The following GPM6A variants were observed in gnomAD, a reference collection of about 807,000 sequenced individuals.
GPM6A encodes the protein neuronal membrane glycoprotein M6-a.
A neutral mutation model predicts 32.1 loss-of-function variants in GPM6A; 7 were observed. The observed-to-expected ratio is 0.22, with a 90% CI of 0.12 to 0.41. GPM6A has a LOEUF of 0.41. GPM6A is among the 10% of genes least tolerant of loss of function. The pLI is 1.00. For missense variants in GPM6A, 235 were observed against 347.2 expected (o/e 0.68, Z 2.57); for synonymous variants, 130 against 123.4 (o/e 1.05, Z -0.35).
Position 175,635,054 on chromosome 4 carries a change from G to C in GPM6A, c.688C>G (p.His230Asp), listed in dbSNP as rs1281925813. Residue 230 changes from histidine to aspartate, a missense_variant, in exon 7 of 7, where the codon CAC (histidine) becomes GAC (aspartate). Physicochemically the swap from His to Asp is moderately conservative, Grantham distance 81 (BLOSUM62 -1). Coordinates refer to ENST00000393658, the MANE Select transcript of GPM6A (RefSeq NM_201591.3). ...GAGAAVIAMV[H>D]YLMVLSANWA... ...TTGGCAGACAGAACCATAAGGTAGTGAACCTAATCAAAGAGAAAAATAATT... is the reference window on the plus strand; with the variant it reads ...TTGGCAGACAGAACCATAAGGTAGTCAACCTAATCAAAGAGAAAAATAATT... 1 of 1,612,314 alleles carries C rather than the reference G, an allele frequency of 6.2e-7. No individual in the cohort carries two copies. The highest frequency in any genetic ancestry group is 1.3e-5 in the African/African-American group (1 of 74,834).
At chr4:175,834,151 G>GT (rs35413155) in intron 1 of GPM6A, among the ~76,000 whole-genome samples, 83,439 of 151,828 alleles carry the variant, frequency 0.55, 24,552 homozygotes, top group Middle Eastern at 0.7. Flanking sequence ...TTACTCAACT[G>GT]TTTATTTGCC....
At position 175,943,775 on chromosome 4, in the gene GPM6A, G is replaced by A. The variant is rs190766937; in HGVS notation, c.-23+58534C>T. Reference sequence around the variant, plus strand: ...AGCTTTTTGATGTGCTGCTGGATTCGGTTTGCCAGTATTTTATTGAGGGTT... The same window carrying A: ...AGCTTTTTGATGTGCTGCTGGATTCAGTTTGCCAGTATTTTATTGAGGGTT... On this transcript the variant is annotated intron_variant, in intron 1 of 7. Transcript: ENST00000280187. 2.1e-3 allele frequency among the ~76,000 whole-genome samples: 324 copies of A among 152,186 alleles called. 1 individual carries two copies. The highest frequency in any genetic ancestry group is 7.1e-3 in the African/African-American group (296 of 41,532).
chr4:175,665,763 C>T (rs1736631518), intron 3 of GPM6A, among the ~76,000 whole-genome samples: 2 of 148,642 alleles, frequency 1.3e-5, no homozygotes, highest in African/African-American at 2.5e-5. Context: ...GCCTGGGCAA[C>T]AAGAGCAAAA....
intron 4 of GPM6A, among the ~76,000 whole-genome samples, chr4:175,642,910 C>G (rs375100990): frequency 1.3e-5 from 2 of 150,992 alleles, no homozygotes; most frequent in South Asian, 2.1e-4. Context: ...TTCTGCTCTT[C>G]TCCTTTGCTG....
chr4:175,977,920 G>A (rs576683875), intron 1 of GPM6A, among the ~76,000 whole-genome samples: 3 of 152,066 alleles, frequency 2.0e-5, no homozygotes, highest in Non-Finnish European at 4.4e-5. Context: ...GTCTCCCTTC[G>A]CATGCGCACC....
chr4:175,637,568 T>C lies in GPM6A; in HGVS notation c.685-2511A>G, dbSNP rs1740799980. Reference sequence around the variant, plus strand: ...TATTATATATTATATAAAAATATATTATATATTATATAAAATATATTATAT... The same window carrying C: ...TATTATATATTATATAAAAATATATCATATATTATATAAAATATATTATAT... On this transcript the variant is annotated intron_variant, in intron 6 of 6. Transcript: ENST00000393658. Among the ~76,000 whole-genome samples the C allele has an allele frequency of 3.0e-4, 5 of 16,664 alleles. No homozygotes were observed. The South Asian group carries it at 0.013, about 42-fold the overall frequency. 10.9% of individuals were successfully genotyped at this position (16,664 alleles called of 152,430 possible). A position where few individuals can be genotyped will look rare whatever the true frequency, so the allele number is the denominator to read the frequency against.
intron 1 of GPM6A, among the ~76,000 whole-genome samples, chr4:175,771,259 A>G (rs1230292924): frequency 1.3e-5 from 2 of 152,058 alleles, no homozygotes; most frequent in Non-Finnish European, 2.9e-5. Context: ...AGTGCGTTCC[A>G]TGCTTTCACT....
chr4:175,834,300 AG>A (rs1735700140), intron 1 of GPM6A, among the ~76,000 whole-genome samples: 1 of 152,164 alleles, frequency 6.6e-6, no homozygotes, highest in Admixed American at 6.6e-5. Context: ...AAAGGACAAA[AG>A]ACTCCACCAT....
intron 1 of GPM6A, among the ~76,000 whole-genome samples, chr4:175,703,058 C>T (rs1744966417): frequency 6.6e-6 from 1 of 152,160 alleles, no homozygotes; most frequent in Non-Finnish European, 1.5e-5. Context: ...AAGATAATCT[C>T]TCATATGGTT....
intron 1 of GPM6A, among the ~76,000 whole-genome samples, chr4:175,921,488 C>CA (rs981322280): frequency 9.1e-5 from 13 of 142,406 alleles, no homozygotes; most frequent in East Asian, 2.1e-4. Context: ...ATGATCCTGC[C>CA]AAAAAAAAAT....
chr4:175,658,302 AAAAAAAAAACAATCTGAAAAGGTCATTC>A (rs1742201315), intron 3 of GPM6A, among the ~76,000 whole-genome samples: 2 of 151,926 alleles, frequency 1.3e-5, no homozygotes, highest in Admixed American at 1.3e-4. Flanking sequence ...TATGACTGAA[AAAAAAAAAACAATCTGAAAAGGTCATTC>A]ACTTACTGTG....
At chr4:175,863,747 AT>A (rs1045378467) in intron 1 of GPM6A, among the ~76,000 whole-genome samples, 2 of 152,212 alleles carry the variant, frequency 1.3e-5, no homozygotes, top group African/African-American at 4.8e-5. Context: ...CACATCTGTA[AT>A]CCCAATACTT....
At chr4:175,983,990 GTCTCTCTC>G (rs149265312) in intron 1 of GPM6A, among the ~76,000 whole-genome samples, 3 of 146,146 alleles carry the variant, frequency 2.1e-5, no homozygotes, top group Non-Finnish European at 3.0e-5. Context: ...TGCTCTCTCT[GTCTCTCTC>G]TCTCTCTCTC....
At chr4:175,778,364 G>C (rs1381097715) in intron 1 of GPM6A, among the ~76,000 whole-genome samples, 2 of 151,926 alleles carry the variant, frequency 1.3e-5, no homozygotes, top group African/African-American at 4.8e-5. Context: ...CCTAGGTGCG[G>C]TGGCTCATGC....
chr4:175,823,105 G>T (rs1735330245), intron 1 of GPM6A, among the ~76,000 whole-genome samples: 1 of 152,092 alleles, frequency 6.6e-6, no homozygotes, highest in Admixed American at 6.6e-5. Context: ...GAAAATTGAG[G>T]CTTTCAAAGG....
At chr4:175,924,839 CAAA>C (rs1190915755) in intron 1 of GPM6A, among the ~76,000 whole-genome samples, 4,299 of 61,944 alleles carry the variant, frequency 0.069, 224 homozygotes, top group African/African-American at 0.18. Flanking sequence ...AAATCTGTCT[CAAA>C]AAAAAAAAAA....
At chr4:175,702,252 A>G (rs570174470) in intron 1 of GPM6A, among the ~76,000 whole-genome samples, 1 of 152,302 alleles carries the variant, frequency 6.6e-6, no homozygotes, top group South Asian at 2.1e-4. Context: ...ATACATGTTT[A>G]TAATGTATGA....
intron 3 of GPM6A, among the ~76,000 whole-genome samples, chr4:175,665,985 C>T (rs1257563440): frequency 6.7e-6 from 1 of 148,380 alleles, no homozygotes; most frequent in South Asian, 2.2e-4. Context: ...ATGGCATGAT[C>T]TCGGCTCACT....
chr4:175,929,848 A>G (rs1738970307), intron 1 of GPM6A, among the ~76,000 whole-genome samples: 1 of 152,152 alleles, frequency 6.6e-6, no homozygotes, highest in Non-Finnish European at 1.5e-5. Flanking sequence ...GAAACACACA[A>G]AGAAGGAGGA....
Sources: gnomAD v4.1 joint callset for allele counts (sites outside exome capture counted in the v4.1 genomes callset) on GRCh38, gnomAD v4.1.1 for gene constraint, MANE v1.5 for transcripts, NCBI Gene and HGNC (gene_info 2026-07-23, HGNC 2026-07-21) for gene names.